The following TMC1 variants were observed in gnomAD, a reference collection of about 807,000 sequenced individuals.
The protein encoded by TMC1 is transmembrane channel-like protein 1.
A neutral mutation model predicts 105.8 loss-of-function variants in TMC1; 84 were observed. That is an observed-to-expected ratio of 0.79 (90% confidence interval 0.67 to 0.95). TMC1 has a LOEUF of 0.95. Among genes scored for constraint, TMC1 ranks in the 40% least tolerant of loss-of-function variants. The pLI, the probability that TMC1 is intolerant of heterozygous loss-of-function variation, is 0.00. For synonymous variants in TMC1, 315 were observed against 311.5 expected (o/e 1.01, Z -0.12); for missense variants, 817 against 914.1 (o/e 0.89, Z 1.37).
intron 2 of TMC1, among the ~76,000 whole-genome samples, chr9:72,610,604 T>G (rs560540400): frequency 6.6e-6 from 1 of 152,338 alleles, no homozygotes; most frequent in South Asian, 2.1e-4. Flanking sequence ...ACAGATTGGA[T>G]GAGGCCCACC....
chr9:72,757,780 AT>A (rs766741177), intron 12 of TMC1, among the ~76,000 whole-genome samples: 6 of 151,616 alleles, frequency 4.0e-5, no homozygotes, highest in Admixed American at 6.6e-5. Context: ...AAGAGTTTAG[AT>A]TTTTTTTTAT....
At position 72,607,000 on chromosome 9, in the gene TMC1, TATAGAGAG is replaced by T. The variant is rs1280352787; in HGVS notation, c.-305-9366_-305-9359del. The stretch of plus-strand genomic sequence containing the variant: ...GTGTGTGCATATATATATATATATA[TATAGAGAG>T]AGAGAGAGAGAGAGAGAGAAAGAGA... On this transcript the variant is annotated intron_variant, in intron 2 of 23. Transcript: ENST00000297784. Among the ~76,000 whole-genome samples the T allele has an allele frequency of 1.3e-4, 17 of 128,736 alleles. No homozygotes were observed. In the East Asian group the frequency reaches 3.0e-3, roughly 23 times the overall value. The allele number at this position is 128,736 out of a possible 152,430, so 84.5% of individuals were successfully genotyped here.
At chr9:72,563,637 G>A (rs1384997831) in intron 1 of TMC1, among the ~76,000 whole-genome samples, 1 of 152,102 alleles carries the variant, frequency 6.6e-6, no homozygotes, top group Non-Finnish European at 1.5e-5. Flanking sequence ...AGTGGCTCAT[G>A]CCTGTAATCC....
intron 12 of TMC1, 114 bp downstream of exon 12, chr9:72,754,998 G>A (rs758885214): frequency 1.2e-5 from 6 of 514,206 alleles, no homozygotes; most frequent in African/African-American, 6.2e-5. Context: ...TAAGAAAGAC[G>A]TCCCTGCTCC....
In TMC1 at chr9:72,567,153, T is replaced by A. The variant is rs575153571; in HGVS notation, c.-427-10749T>A. On this transcript the variant is annotated intron_variant, in intron 1 of 23. Coordinates refer to ENST00000297784, the MANE Select transcript of TMC1 (RefSeq NM_138691.3). ...AATCCTTTAGGTTTCAGAGATGTCA[T>A]TTCCCCTGGGAACATTTTCCTGACT... Among the ~76,000 whole-genome samples, 4 of 152,352 alleles carry A rather than the reference T, an allele frequency of 2.6e-5. No homozygotes were observed. In the East Asian group the frequency reaches 7.7e-4, roughly 29 times the overall value.
At chr9:72,544,323 A>G (rs1823728064) in intron 1 of TMC1, among the ~76,000 whole-genome samples, 1 of 93,812 alleles carries the variant, frequency 1.1e-5, no homozygotes, top group South Asian at 3.0e-4. Flanking sequence ...TCATATGACC[A>G]GGCCCCTCAA....
chr9:72,640,287 CA>C (rs1397421465), intron 4 of TMC1, among the ~76,000 whole-genome samples: 1 of 152,130 alleles, frequency 6.6e-6, no homozygotes, highest in Non-Finnish European at 1.5e-5. Context: ...AACATTTTAG[CA>C]CTCAAAAGTA....
chr9:72,650,518 G>A (rs1825785070), intron 5 of TMC1, among the ~76,000 whole-genome samples: 1 of 151,804 alleles, frequency 6.6e-6, no homozygotes, highest in African/African-American at 2.4e-5. Flanking sequence ...TTTATTTTAG[G>A]CTTGGGAGTA....
At chr9:72,635,427 T>C (rs1394291868) in intron 4 of TMC1, among the ~76,000 whole-genome samples, 1 of 152,122 alleles carries the variant, frequency 6.6e-6, no homozygotes, top group Admixed American at 6.6e-5. Flanking sequence ...CATTAGGGAC[T>C]TCCCAAAAGT....
chr9:72,601,195 GACACACACACACAC>G (rs71357599), intron 2 of TMC1, among the ~76,000 whole-genome samples: 1 of 93,626 alleles, frequency 1.1e-5, no homozygotes, highest in Admixed American at 1.1e-4. Flanking sequence ...CACACACACA[GACACACACACACAC>G]ACACACACAC....
chr9:72,684,293 C>T (rs753169170), intron 5 of TMC1, among the ~76,000 whole-genome samples: 15 of 152,280 alleles, frequency 9.9e-5, no homozygotes, highest in Non-Finnish European at 2.1e-4. Flanking sequence ...TTTGCCCACA[C>T]AACTGCACTA....
chr9:72,529,269 G>A (rs1823457603), intron 1 of TMC1, among the ~76,000 whole-genome samples: 1 of 152,048 alleles, frequency 6.6e-6, no homozygotes, highest in African/African-American at 2.4e-5. Context: ...GACTGCATGA[G>A]AAAGGCCAAA....
chr9:72,825,922 A>C (rs1477917112), intron 20 of TMC1, among the ~76,000 whole-genome samples: 1 of 152,130 alleles, frequency 6.6e-6, no homozygotes, highest in Admixed American at 6.5e-5. Flanking sequence ...TGTCTGCTGG[A>C]AGATAGTATT....
intron 2 of TMC1, among the ~76,000 whole-genome samples, chr9:72,601,179 CACACACACACACACAG>C (rs1203113482): frequency 1.5e-5 from 2 of 134,484 alleles, no homozygotes; most frequent in East Asian, 2.0e-4. Context: ...TACACACACA[CACACACACACACACAG>C]ACACACACAC....
At chr9:72,645,904 A>G (rs1419228545) in intron 4 of TMC1, among the ~76,000 whole-genome samples, 2 of 152,210 alleles carry the variant, frequency 1.3e-5, no homozygotes, top group South Asian at 2.1e-4. Flanking sequence ...GGAATGGACT[A>G]TTTGGCCGGT....
intron 4 of TMC1, among the ~76,000 whole-genome samples, chr9:72,643,090 T>G (rs542546849): frequency 6.6e-6 from 1 of 152,126 alleles, no homozygotes; most frequent in African/African-American, 2.4e-5. Flanking sequence ...TTTTCAAAGG[T>G]TTTTTCCTTC....
chr9:72,545,388 A>G (rs13283513), intron 1 of TMC1, among the ~76,000 whole-genome samples: 79,503 of 151,724 alleles, frequency 0.52, 21,772 homozygotes, highest in African/African-American at 0.69. Context: ...ACAATATTAT[A>G]GTTTCTGTTT....
chr9:72,642,863 C>T (rs777434730), intron 4 of TMC1, among the ~76,000 whole-genome samples: 12 of 152,130 alleles, frequency 7.9e-5, no homozygotes, highest in Non-Finnish European at 1.5e-4. Flanking sequence ...ATAATTCTCT[C>T]GTCTCCCCTC....
At chr9:72,746,461 A>T (rs1588062478) in intron 10 of TMC1, among the ~76,000 whole-genome samples, 1 of 152,332 alleles carries the variant, frequency 6.6e-6, no homozygotes, top group East Asian at 1.9e-4. Flanking sequence ...GGATTGTAGT[A>T]AGTGGCATGG....
Sources: allele counts gnomAD v4.1 joint callset (sites outside exome capture counted in the v4.1 genomes callset), GRCh38; gene constraint gnomAD v4.1.1; transcripts MANE v1.5; gene names NCBI Gene and HGNC (gene_info 2026-07-23, HGNC 2026-07-21).